Variants in DACH2 observed in about 807,000 individuals in gnomAD.
The protein encoded by DACH2 is dachshund homolog 2.
Under a neutral mutation model 35.8 loss-of-function variants are expected in DACH2, and 17 were observed. That is an observed-to-expected ratio of 0.48 (90% confidence interval 0.33 to 0.71). The LOEUF is 0.71. DACH2 is among the 30% of genes least tolerant of loss of function. The pLI is 0.02. For missense variants in DACH2, 469 were observed against 472.7 expected, an observed-to-expected ratio of 0.99 and a Z score of 0.07; for synonymous variants, 195 against 177.3, an observed-to-expected ratio of 1.10 and a Z score of -0.79.
At chrX:86,397,032 G>C (rs188450079) in intron 2 of DACH2, among the ~76,000 whole-genome samples, 1 of 110,494 alleles carries the variant, frequency 9.1e-6, no homozygotes, top group Non-Finnish European at 1.9e-5. Context: ...GCATGGAATG[G>C]TCTTCCATTT....
intron 11 of DACH2, 66 bp from the exon 12 acceptor site, chrX:86,832,040 T>C: frequency 1.3e-6 from 1 of 746,082 alleles, no homozygotes; most frequent in African/African-American, 2.1e-5. Flanking sequence ...ATAGAAGTTT[T>C]AGTATTTTTA....
intron 2 of DACH2, among the ~76,000 whole-genome samples, chrX:86,379,410 T>C (rs1314368570): frequency 9.1e-6 from 1 of 110,192 alleles, no homozygotes; most frequent in African/African-American, 3.3e-5. Context: ...TACAATGCTT[T>C]TGACATCTGT....
Position 86,667,608 on chromosome X carries a change from GAAA to G in DACH2, c.772+16442_772+16444del, listed in dbSNP as rs1569463760. 7.3e-4 allele frequency among the ~76,000 whole-genome samples: 77 copies of G among 104,952 alleles called. 1 individual carries two copies. The highest frequency in any genetic ancestry group is 2.4e-3 in the African/African-American group (66 of 27,869). The allele number at this position is 104,952 out of a possible 115,157, so 91.1% of individuals were successfully genotyped here. ...AGAAAGAAAGAAAGAAAGAAAGAAA[GAAA>G]GAAAGGCAGGCAGGCCCTGGTCTTA... On this transcript the variant is annotated intron_variant, in intron 4 of 11. Coordinates refer to ENST00000373125, the MANE Select transcript of DACH2 (RefSeq NM_053281.3).
At chrX:86,647,830 G>A (rs1298978168) in intron 3 of DACH2, among the ~76,000 whole-genome samples, 1 of 110,416 alleles carries the variant, frequency 9.1e-6, no homozygotes, top group East Asian at 2.8e-4. Flanking sequence ...ACAGCTTTTT[G>A]TATCTGAATC....
At chrX:86,687,265 G>A (rs758409593) in intron 4 of DACH2, among the ~76,000 whole-genome samples, 4 of 110,158 alleles carry the variant, frequency 3.6e-5, no homozygotes, top group Non-Finnish European at 7.6e-5. Flanking sequence ...TAAAGATAAC[G>A]CAGCCAGCCA....
At chrX:86,704,283 A>G (rs765998079) in intron 5 of DACH2, among the ~76,000 whole-genome samples, 1 of 111,863 alleles carries the variant, frequency 8.9e-6, no homozygotes, top group South Asian at 3.7e-4. Context: ...TTCACCATAT[A>G]CAAAAATAAA....
chrX:86,315,307 T>G (rs1011076394), intron 1 of DACH2, among the ~76,000 whole-genome samples: 13 of 112,161 alleles, frequency 1.2e-4, no homozygotes, highest in African/African-American at 4.2e-4. Flanking sequence ...AACCTACTGT[T>G]CAGAAAAAGA....
chrX:86,595,833 C>T (rs1190535771), intron 3 of DACH2, among the ~76,000 whole-genome samples: 5 of 109,823 alleles, frequency 4.6e-5, no homozygotes, highest in African/African-American at 1.6e-4. Flanking sequence ...GTACAACTCT[C>T]ACTAATATGT....
intron 2 of DACH2, among the ~76,000 whole-genome samples, chrX:86,449,647 T>C (rs918004841): frequency 7.2e-5 from 8 of 111,127 alleles, no homozygotes; most frequent in African/African-American, 2.6e-4. Context: ...CTTTTTATTT[T>C]AGCATATTTA....
intron 3 of DACH2, among the ~76,000 whole-genome samples, chrX:86,641,382 TAA>T (rs1195678691): frequency 1.8e-5 from 2 of 111,211 alleles, no homozygotes; most frequent in African/African-American, 6.6e-5. Context: ...TTCTCTGAAA[TAA>T]GACAGTCAGA....
At chrX:86,797,951 CT>C (rs1187268089) in intron 7 of DACH2, among the ~76,000 whole-genome samples, 2 of 112,204 alleles carry the variant, frequency 1.8e-5, no homozygotes, top group Non-Finnish European at 3.8e-5. Flanking sequence ...CTTAATACTT[CT>C]CATGAACGTC....
intron 2 of DACH2, chrX:86,481,102 T>C (rs2037929145): frequency 8.9e-6 from 1 of 112,064 alleles, no homozygotes; most frequent in South Asian, 3.7e-4. Flanking sequence ...CTACAAGGCA[T>C]GCACATTCGT....
chrX:86,647,586 TC>T (rs373430796), intron 3 of DACH2, among the ~76,000 whole-genome samples: 3 of 110,970 alleles, frequency 2.7e-5, no homozygotes, highest in African/African-American at 9.8e-5. Flanking sequence ...GATGAATAAG[TC>T]CTAGAGATCT....
At chrX:86,762,458 T>A in intron 7 of DACH2, among the ~76,000 whole-genome samples, 1 of 111,468 alleles carries the variant, frequency 9.0e-6, no homozygotes, top group Non-Finnish European at 1.9e-5. Flanking sequence ...CCATATTCTC[T>A]CTTTAGAGCT....
chrX:86,686,656 C>A (rs1015685064), intron 4 of DACH2, among the ~76,000 whole-genome samples: 1 of 111,707 alleles, frequency 9.0e-6, no homozygotes. Context: ...TTTGAAATTG[C>A]AAAATAATAT....
At chrX:86,592,421 T>C (rs2039659273) in intron 3 of DACH2, among the ~76,000 whole-genome samples, 1 of 112,042 alleles carries the variant, frequency 8.9e-6, no homozygotes, top group African/African-American at 3.3e-5. Flanking sequence ...TCTTGATTAC[T>C]ATAAATTTAT....
intron 1 of DACH2, among the ~76,000 whole-genome samples, chrX:86,278,335 C>T (rs2033957778): frequency 9.0e-6 from 1 of 111,707 alleles, no homozygotes; most frequent in Non-Finnish European, 1.9e-5. Context: ...GCCTCATCTG[C>T]CATGTTTATC....
intron 1 of DACH2, among the ~76,000 whole-genome samples, chrX:86,225,502 C>A (rs1264618934): frequency 1.8e-5 from 2 of 110,703 alleles, no homozygotes; most frequent in African/African-American, 6.6e-5. Context: ...ACACAAAATT[C>A]TTCTCAGTGG....
intron 4 of DACH2, among the ~76,000 whole-genome samples, chrX:86,664,036 G>A (rs1204109952): frequency 1.8e-5 from 2 of 111,852 alleles, no homozygotes; most frequent in African/African-American, 3.2e-5. Context: ...TTTATAGGCA[G>A]CAGTGTCTAT....
Sources: gnomAD v4.1 joint callset for allele counts (sites outside exome capture counted in the v4.1 genomes callset) on GRCh38, gnomAD v4.1.1 for gene constraint, MANE v1.5 for transcripts, NCBI Gene and HGNC (gene_info 2026-07-23, HGNC 2026-07-21) for gene names.